MYO1D: variants seen among roughly 807,000 people sequenced by gnomAD.
MYO1D encodes unconventional myosin-Id.
In MYO1D, 83 loss-of-function variants were observed where a neutral mutation model predicts 122.0. That is an observed-to-expected ratio of 0.68 (90% CI 0.57 to 0.82). The LOEUF is 0.82. Ranked by LOEUF, MYO1D falls within the 40% of genes least tolerant of loss-of-function variation. MYO1D has a pLI of 0.00. For synonymous variants in MYO1D, 464 were observed against 446.9 expected (o/e 1.04, Z -0.48); for missense variants, 1,157 against 1,269.5 (o/e 0.91, Z 1.35).
At chr17:32,588,287 C>T (rs1262655996) in intron 21 of MYO1D, among the ~76,000 whole-genome samples, 1 of 152,194 alleles carries the variant, frequency 6.6e-6, no homozygotes, top group East Asian at 1.9e-4. Context: ...TAGTATCTGG[C>T]ACTGCTATCT....
chr17:32,518,726 G>T (rs904418911), intron 21 of MYO1D: 7 of 152,200 alleles, frequency 4.6e-5, no homozygotes, highest in African/African-American at 1.4e-4. Context: ...GTTGCTCCAG[G>T]ACAAAGAGGG....
intron 21 of MYO1D, among the ~76,000 whole-genome samples, chr17:32,546,189 G>A (rs1374608109): frequency 2.0e-5 from 3 of 152,110 alleles, no homozygotes; most frequent in African/African-American, 7.2e-5. Flanking sequence ...GGTAGAAATG[G>A]CTCCCTCACT....
chr17:32,843,647 C>A (rs186902435), intron 1 of MYO1D, among the ~76,000 whole-genome samples: 1 of 152,290 alleles, frequency 6.6e-6, no homozygotes, highest in East Asian at 1.9e-4. Context: ...ACAGATCCAG[C>A]TGAAACCGAA....
chr17:32,638,833 T>G lies in MYO1D; in HGVS notation c.2598A>C (p.Val866=), dbSNP rs778236759. ...NVLFSCHVRK[V]NRFSKVEDRA... The stretch of plus-strand genomic sequence containing the variant: ...TGTCTTCCACCTTACTAAATCGATT[T>G]ACCTGTAAGAGAACAAACCAATAAA... Residue 866 remains valine, a splice_region_variant and synonymous_variant, in exon 20 of 22, where the codon GTA becomes GTC. Transcript: ENST00000318217. The G allele has an allele frequency of 3.8e-5, 61 of 1,593,982 alleles. No individual in the cohort carries two copies. The highest frequency in any genetic ancestry group is 1.7e-4 in the Middle Eastern group (1 of 6,036).
At chr17:32,827,425 C>T (rs1488808764) in intron 1 of MYO1D, among the ~76,000 whole-genome samples, 2 of 151,968 alleles carry the variant, frequency 1.3e-5, no homozygotes, top group Non-Finnish European at 2.9e-5. Context: ...AGTTATGGTC[C>T]AATGGGTAGA....
intron 21 of MYO1D, among the ~76,000 whole-genome samples, chr17:32,525,418 C>T (rs1246157984): frequency 1.3e-5 from 2 of 151,460 alleles, no homozygotes; most frequent in Non-Finnish European, 2.9e-5. Context: ...TATGTCTTGA[C>T]ATTTCTTATC....
At chr17:32,611,398 C>G (rs2087700271) in intron 20 of MYO1D, among the ~76,000 whole-genome samples, 1 of 152,112 alleles carries the variant, frequency 6.6e-6, no homozygotes, top group Non-Finnish European at 1.5e-5. Context: ...ATCACAGGTA[C>G]CAGCCAAACT....
At chr17:32,706,771 AC>A (rs2089313774) in intron 16 of MYO1D, among the ~76,000 whole-genome samples, 1 of 151,966 alleles carries the variant, frequency 6.6e-6, no homozygotes, top group African/African-American at 2.4e-5. Flanking sequence ...ATCTCAGCTC[AC>A]TGCAAGCTCC....
intron 16 of MYO1D, among the ~76,000 whole-genome samples, chr17:32,705,336 T>G (rs943014655): frequency 6.6e-6 from 1 of 152,174 alleles, no homozygotes; most frequent in East Asian, 1.9e-4. Flanking sequence ...CTCAGCTCAC[T>G]GCAAGCTCCA....
chr17:32,552,401 AATCCATCCATCCATCCACCCATCC>A (rs2087023733), intron 21 of MYO1D, among the ~76,000 whole-genome samples: 2 of 128,250 alleles, frequency 1.6e-5, no homozygotes, highest in Non-Finnish European at 1.7e-5. Context: ...TAACCTTTGT[AATCCATCCATCCATCCACCCATCC>A]ATCCATCCAT....
intron 1 of MYO1D, among the ~76,000 whole-genome samples, chr17:32,865,777 G>C (rs948099693): frequency 6.6e-6 from 1 of 152,212 alleles, no homozygotes; most frequent in South Asian, 2.1e-4. Context: ...GCTGTGCCTG[G>C]AATACAAACT....
In MYO1D at chr17:32,876,856, C is replaced by G. The variant is rs757187939; in HGVS notation, c.17G>C (p.Ser6Thr). 210 of 1,501,392 alleles carry G rather than the reference C, an allele frequency of 1.4e-4. No homozygotes were observed. The highest frequency in any genetic ancestry group is 1.8e-4 in the Non-Finnish European group (204 of 1,122,990). 93.0% of individuals were successfully genotyped at this position (1,501,392 alleles called of 1,614,324 possible). A position where few individuals can be genotyped will look rare whatever the true frequency, so the allele number is the denominator to read the frequency against. The change falls in exon 1 of 22, where the codon AGC becomes ACC. Residue 6 changes from serine to threonine, a missense_variant. Coordinates refer to ENST00000318217, the MANE Select transcript of MYO1D (RefSeq NM_015194.3). ...GAAGTCTGCCTTGCCGAATTCCAGG[C>G]TCTCCTGCTCCGCCATGGCGCCAGC... MAEQE[S>T]LEFGKADFVL...
intron 1 of MYO1D, among the ~76,000 whole-genome samples, chr17:32,839,008 T>C (rs1222364636): frequency 6.6e-6 from 1 of 152,174 alleles, no homozygotes; most frequent in Non-Finnish European, 1.5e-5. Context: ...TTCCATAAGG[T>C]TTTTAAACAA....
At chr17:32,825,060 T>C (rs1011227952) in intron 1 of MYO1D, among the ~76,000 whole-genome samples, 1 of 152,218 alleles carries the variant, frequency 6.6e-6, no homozygotes, top group African/African-American at 2.4e-5. Flanking sequence ...GTAAGCTAAA[T>C]TAAAAGTGAT....
At chr17:32,616,534 G>T in intron 20 of MYO1D, among the ~76,000 whole-genome samples, 1 of 148,012 alleles carries the variant, frequency 6.8e-6, no homozygotes, top group Admixed American at 6.8e-5. Flanking sequence ...TGCCCAGACT[G>T]GTCTTGAATT....
At chr17:32,872,090 G>A (rs1274763269) in intron 1 of MYO1D, among the ~76,000 whole-genome samples, 1 of 147,678 alleles carries the variant, frequency 6.8e-6, no homozygotes, top group Non-Finnish European at 1.5e-5. Flanking sequence ...ATTGGAATGA[G>A]GAACTTATCA....
intron 21 of MYO1D, among the ~76,000 whole-genome samples, chr17:32,521,486 A>G (rs1218366574): frequency 6.6e-6 from 1 of 152,228 alleles, no homozygotes; most frequent in Non-Finnish European, 1.5e-5. Context: ...CCTCATACAA[A>G]TTGCTCCTGT....
intron 10 of MYO1D, among the ~76,000 whole-genome samples, chr17:32,756,498 C>T (rs901689874): frequency 4.6e-5 from 7 of 151,640 alleles, no homozygotes; most frequent in Non-Finnish European, 7.4e-5. Flanking sequence ...ATGCCTCATC[C>T]CAATCAGATG....
At chr17:32,764,437 T>C (rs1273471314) in intron 8 of MYO1D, among the ~76,000 whole-genome samples, 1 of 152,184 alleles carries the variant, frequency 6.6e-6, no homozygotes, top group East Asian at 1.9e-4. Context: ...TCACCACAAA[T>C]AAATGGTAAG....
Sources: gnomAD v4.1 joint callset for allele counts (sites outside exome capture counted in the v4.1 genomes callset) on GRCh38, gnomAD v4.1.1 for gene constraint, MANE v1.5 for transcripts, NCBI Gene and HGNC (gene_info 2026-07-23, HGNC 2026-07-21) for gene names.